Variants in RNGTT observed in about 807,000 individuals in gnomAD.
The protein encoded by RNGTT is mRNA-capping enzyme.
A neutral mutation model predicts 79.3 loss-of-function variants in RNGTT; 33 were observed. That is an observed-to-expected ratio of 0.42 (90% CI 0.32 to 0.56). The LOEUF (loss-of-function observed/expected upper bound fraction) is 0.56. Ranked by LOEUF, RNGTT falls within the 20% of genes least tolerant of loss-of-function variation. RNGTT has a pLI of 0.17. For missense variants in RNGTT, 497 were observed against 739.1 expected (o/e 0.67, Z 3.80); for synonymous variants, 222 against 235.9 (o/e 0.94, Z 0.54).
intron 13 of RNGTT, among the ~76,000 whole-genome samples, chr6:88,739,790 C>A: frequency 9.4e-6 from 1 of 106,300 alleles, no homozygotes; most frequent in Non-Finnish European, 2.0e-5. Context: ...TTAACACATG[C>A]TCCATTTATC....
At chr6:88,943,031 G>C (rs1784900006) in intron 1 of RNGTT, among the ~76,000 whole-genome samples, 1 of 152,030 alleles carries the variant, frequency 6.6e-6, no homozygotes, top group Non-Finnish European at 1.5e-5. Context: ...TTTGTCTCAG[G>C]ACTCAATCCT....
chr6:88,638,393 C>T (rs1033372074), intron 14 of RNGTT, among the ~76,000 whole-genome samples: 8 of 152,086 alleles, frequency 5.3e-5, no homozygotes, highest in Admixed American at 2.0e-4. Flanking sequence ...CCATGCAAGC[C>T]TCATGTTTTA....
At chr6:88,841,506 T>C (rs1178761877) in intron 11 of RNGTT, among the ~76,000 whole-genome samples, 1 of 152,156 alleles carries the variant, frequency 6.6e-6, no homozygotes, top group Non-Finnish European at 1.5e-5. Flanking sequence ...CCAAAAAATA[T>C]AAATTATTTG....
At chr6:88,839,858 A>G (rs1229185712) in intron 11 of RNGTT, among the ~76,000 whole-genome samples, 2 of 152,132 alleles carry the variant, frequency 1.3e-5, no homozygotes, top group African/African-American at 2.4e-5. Flanking sequence ...ACTATTTTGG[A>G]TGTTGTATTC....
chr6:88,772,225 G>C lies in RNGTT; in HGVS notation c.1339-2351C>G, dbSNP rs186547048. Among the ~76,000 whole-genome samples, 3 of 151,098 alleles carry C rather than the reference G, an allele frequency of 2.0e-5. No homozygotes were observed. The East Asian group carries it at 5.8e-4, about 29-fold the overall frequency. On this transcript the variant is annotated intron_variant, in intron 12 of 15. Coordinates refer to ENST00000369485, the MANE Select transcript of RNGTT (RefSeq NM_003800.5). ...GCATCTAGAGGAACAAAATATGTAG[G>C]AATTAATTTAACCAAGGTGAATCAT...
At position 88,614,300 on chromosome 6, in the gene RNGTT, A is replaced by G; in HGVS notation, c.1602T>C (p.Ser534=). ...TGGCAGTGTTGTAGGCATTAGGAAA[A>G]CTTTTGTCTGTTCTCTGTCTCATGA... ...WVFMRQRTDK[S]FPNAYNTAMA... Residue 534 remains serine (S), a synonymous_variant, in exon 15 of 16, where the codon AGT becomes AGC. Coordinates refer to ENST00000369485, the MANE Select transcript of RNGTT (RefSeq NM_003800.5). 1.9e-6 allele frequency: 3 copies of G among 1,613,946 alleles called. No individual in the cohort carries two copies. The highest frequency in any genetic ancestry group is 2.5e-6 in the Non-Finnish European group (3 of 1,179,850).
chr6:88,885,118 T>TCACACACA (rs150058750), intron 8 of RNGTT, among the ~76,000 whole-genome samples: 1,894 of 149,142 alleles, frequency 0.013, 43 homozygotes, highest in African/African-American at 0.043. Flanking sequence ...ATGTATATAC[T>TCACACACA]CACACACACA....
At chr6:88,771,340 TATATATATATACAC>T (rs1401455130) in intron 12 of RNGTT, among the ~76,000 whole-genome samples, 4 of 130,598 alleles carry the variant, frequency 3.1e-5, no homozygotes, top group African/African-American at 1.2e-4. Flanking sequence ...TATATATATA[TATATATATATACAC>T]ACACACACAC....
At chr6:88,799,657 G>A (rs887600274) in intron 12 of RNGTT, among the ~76,000 whole-genome samples, 6 of 138,028 alleles carry the variant, frequency 4.3e-5, no homozygotes, top group South Asian at 4.4e-4. Context: ...CCAACATTGC[G>A]CCATTGCACT....
At chr6:88,883,494 C>T (rs1405008404) in intron 8 of RNGTT, among the ~76,000 whole-genome samples, 4 of 152,204 alleles carry the variant, frequency 2.6e-5, no homozygotes, top group Non-Finnish European at 5.9e-5. Context: ...GGATGACATA[C>T]TTCCAAGTGG....
At chr6:88,679,109 A>T (rs1774992938) in intron 13 of RNGTT, among the ~76,000 whole-genome samples, 2 of 152,126 alleles carry the variant, frequency 1.3e-5, no homozygotes, top group Admixed American at 6.6e-5. Flanking sequence ...ATGCACCACC[A>T]CTATGCACTG....
chr6:88,730,328 T>A (rs1777064752), intron 13 of RNGTT, among the ~76,000 whole-genome samples: 1 of 152,144 alleles, frequency 6.6e-6, no homozygotes, highest in Non-Finnish European at 1.5e-5. Flanking sequence ...TGTCACTCTC[T>A]TTAAATTAGC....
chr6:88,797,917 G>C (rs529862787), intron 12 of RNGTT, among the ~76,000 whole-genome samples: 91 of 136,540 alleles, frequency 6.7e-4, no homozygotes, highest in Non-Finnish European at 1.3e-3. Flanking sequence ...AGCATAGACT[G>C]TGTAGAACTG....
chr6:88,835,839 A>G (rs1781047048), intron 11 of RNGTT, among the ~76,000 whole-genome samples: 1 of 151,942 alleles, frequency 6.6e-6, no homozygotes, highest in Admixed American at 6.6e-5. Flanking sequence ...AAAGTTTTAG[A>G]AAGTATTATA....
chr6:88,908,003 G>A (rs565751577), intron 4 of RNGTT, among the ~76,000 whole-genome samples: 20 of 151,870 alleles, frequency 1.3e-4, no homozygotes, highest in Admixed American at 8.5e-4. Flanking sequence ...CCCAAGTCTG[G>A]GATTACAGGC....
At chr6:88,656,779 T>TAA (rs202061261) in intron 14 of RNGTT, among the ~76,000 whole-genome samples, 2 of 135,836 alleles carry the variant, frequency 1.5e-5, no homozygotes, top group Non-Finnish European at 3.2e-5. Context: ...GTTAAGAGAT[T>TAA]AAAAAAAAAA....
At chr6:88,677,849 C>A (rs1774934160) in intron 14 of RNGTT, 1 of 152,382 alleles carries the variant, frequency 6.6e-6, no homozygotes, top group Non-Finnish European at 1.5e-5. Flanking sequence ...CTAAATGAAT[C>A]ACTGAACTGT....
intron 14 of RNGTT, among the ~76,000 whole-genome samples, chr6:88,652,519 C>T (rs1582282353): frequency 6.6e-6 from 1 of 152,302 alleles, no homozygotes; most frequent in Non-Finnish European, 1.5e-5. Context: ...CACACCACAA[C>T]ATTAATGACA....
At chr6:88,716,452 T>C (rs1776517521) in intron 13 of RNGTT, among the ~76,000 whole-genome samples, 1 of 152,126 alleles carries the variant, frequency 6.6e-6, no homozygotes, top group African/African-American at 2.4e-5. Flanking sequence ...TTTGACCCAG[T>C]CATCCCATTA....
Sources: gnomAD v4.1 joint callset for allele counts (sites outside exome capture counted in the v4.1 genomes callset) on GRCh38, gnomAD v4.1.1 for gene constraint, MANE v1.5 for transcripts, NCBI Gene and HGNC (gene_info 2026-07-23, HGNC 2026-07-21) for gene names.